GNAL: variants seen among roughly 807,000 people sequenced by gnomAD.
GNAL encodes the protein G protein subunit alpha L, also known as guanine nucleotide-binding protein G(olf) subunit alpha.
A neutral mutation model predicts 55.1 loss-of-function variants in GNAL; 18 were observed. The observed-to-expected ratio is 0.33, with a 90% CI of 0.23 to 0.48. The LOEUF (loss-of-function observed/expected upper bound fraction) is 0.48. Among genes scored for constraint, GNAL ranks in the 20% least tolerant of loss-of-function variants. The pLI is 0.99. For synonymous variants in GNAL, 253 were observed against 237.0 expected (o/e 1.07, Z -0.62); for missense variants, 412 against 614.1 (o/e 0.67, Z 3.48).
intron 10 of GNAL, chr18:11,874,247 C>G (rs2036470923): frequency 6.6e-6 from 1 of 152,278 alleles, no homozygotes; most frequent in South Asian, 2.1e-4. Context: ...TCACCCATCC[C>G]TGAGCATCTG....
chr18:11,695,677 C>T (rs10468679), intron 1 of GNAL, among the ~76,000 whole-genome samples: 14,319 of 152,096 alleles, frequency 0.094, 983 homozygotes, highest in African/African-American at 0.19. Flanking sequence ...GATTGTTATT[C>T]GAATTTTAAA....
chr18:11,731,121 A>G (rs1372915465), intron 1 of GNAL, among the ~76,000 whole-genome samples: 11 of 152,166 alleles, frequency 7.2e-5, no homozygotes. Flanking sequence ...GACTTCCCTT[A>G]CCATCATGGC....
At chr18:11,702,541 T>G (rs1339530030) in intron 1 of GNAL, among the ~76,000 whole-genome samples, 3 of 152,200 alleles carry the variant, frequency 2.0e-5, no homozygotes, top group Admixed American at 6.5e-5. Flanking sequence ...AGGCTACTAT[T>G]TGTTTATTCA....
At chr18:11,739,419 G>A (rs2032528181) in intron 1 of GNAL, among the ~76,000 whole-genome samples, 1 of 152,078 alleles carries the variant, frequency 6.6e-6, no homozygotes, top group Non-Finnish European at 1.5e-5. Context: ...GTGTTTCTAG[G>A]GGCAGGGTAT....
chr18:11,841,745 C>T (rs1047811909), intron 5 of GNAL, among the ~76,000 whole-genome samples: 4 of 151,914 alleles, frequency 2.6e-5, no homozygotes, highest in Admixed American at 6.6e-5. Context: ...TGCTTCCCAA[C>T]TGCGGGGATC....
At chr18:11,746,871 C>A in intron 1 of GNAL, 1 of 535,734 alleles carries the variant, frequency 1.9e-6, no homozygotes. Context: ...CTCTTGAACT[C>A]TGAGGAAGGC....
chr18:11,800,203 G>A (rs2034487474), intron 4 of GNAL, among the ~76,000 whole-genome samples: 1 of 152,150 alleles, frequency 6.6e-6, no homozygotes, highest in Admixed American at 6.5e-5. Context: ...ATTGGTGGAT[G>A]GGTGAGTGGA....
rs2855643 is a variant in GNAL, at chr18:11,865,138, C to G, written c.851+532C>G. Reference sequence around the variant, plus strand: ...GGCACAGCCCTGGCTTGTCTCCTGTCCCCTGGCTTACCCATTTCAGTCGCC... The same window carrying G: ...GGCACAGCCCTGGCTTGTCTCCTGTGCCCTGGCTTACCCATTTCAGTCGCC... On this transcript the variant is annotated intron_variant, in intron 7 of 11. Coordinates refer to ENST00000334049, the MANE Select transcript of GNAL (RefSeq NM_182978.4). 1.4e-5 allele frequency among the ~76,000 whole-genome samples: 2 copies of G among 139,806 alleles called. 1 individual carries two copies. The highest frequency in any genetic ancestry group is 6.7e-5 in the African/African-American group (2 of 29,790). 91.7% of individuals were successfully genotyped at this position (139,806 alleles called of 152,430 possible).
Position 11,851,627 on chromosome 18 carries a change from C to T in GNAL, c.723-10768C>T, listed in dbSNP as rs1264189524. On this transcript the variant is annotated intron_variant, in intron 5 of 11. Transcript: ENST00000334049. ...GCCGAAAAGGCCAAAATTAAAAAGG[C>T]CATTCAGAAGGGCAACATGGAAGTT... 2.5e-6 allele frequency: 4 copies of T among 1,613,786 alleles called. No individual in the cohort carries two copies. The African/African-American group carries it at 4.0e-5, about 16-fold the overall frequency.
At chr18:11,698,215 G>A (rs989838610) in intron 1 of GNAL, among the ~76,000 whole-genome samples, 1 of 152,154 alleles carries the variant, frequency 6.6e-6, no homozygotes, top group African/African-American at 2.4e-5. Flanking sequence ...GGCTGAGGCT[G>A]GGCGCGGTGG....
chr18:11,689,827 G>GGCCGAGGAGCGCGAGGCT lies in GNAL; in HGVS notation c.267_268insGAGGAGCGCGAGGCTGCC (p.Glu84_Ala89dup). 1.3e-6 allele frequency: 2 copies of GGCCGAGGAGCGCGAGGCT among 1,537,004 alleles called. No homozygotes were observed. Among genetic ancestry groups the GGCCGAGGAGCGCGAGGCT allele is most frequent in the Non-Finnish European group, 1.7e-6 (2 of 1,144,788 alleles). On this transcript the variant is annotated inframe_insertion, in exon 1 of 12. Coordinates refer to ENST00000334049, the MANE Select transcript of GNAL (RefSeq NM_182978.4). ...AGCTGAGTGCCGAGGAGCGCGAGGC[G>GGCCGAGGAGCGCGAGGCT]GCCAAGGAGCGCGAGGCGGTCAAGG...
chr18:11,856,298 T>C lies in GNAL; in HGVS notation c.723-6097T>C, dbSNP rs533200077. Among the ~76,000 whole-genome samples the C allele has an allele frequency of 2.8e-4, 42 of 151,496 alleles. 1 individual carries two copies. Among genetic ancestry groups the C allele is most frequent in the Admixed American group, 6.5e-4 (10 of 15,268 alleles). ...TTTCTACATTAGATTGCAAATTCCA[T>C]AGGGAGCCCGGGCCAGGCAATGTCT... On this transcript the variant is annotated intron_variant, in intron 5 of 11. Coordinates refer to ENST00000334049, the MANE Select transcript of GNAL (RefSeq NM_182978.4).
chr18:11,789,674 CCTT>C (rs1189276736), intron 4 of GNAL, among the ~76,000 whole-genome samples: 1 of 152,192 alleles, frequency 6.6e-6, no homozygotes, highest in Non-Finnish European at 1.5e-5. Flanking sequence ...TCTTTTTCCT[CCTT>C]ATATTTTATC....
In GNAL at chr18:11,753,866, C is replaced by T; in HGVS notation, c.545C>T (p.Pro182Leu). The change falls in exon 4 of 12, where the codon CCG becomes CTG. Residue 182 changes from proline to leucine, a missense_variant. By Grantham distance (98) the Pro-to-Leu change is moderately conservative. Transcript: ENST00000334049. ...ATGAGTACTATAATACCTCCAGTTC[C>T]GCTGGCCAACCCTGAAAACCAATTT... ...SAMSTIIPPVPLANPENQFRS... is the reference protein window; with the variant it reads ...SAMSTIIPPVLLANPENQFRS... 6.2e-7 allele frequency: 1 copy of T among 1,608,598 alleles called. No homozygotes were observed. Among genetic ancestry groups the T allele is most frequent in the Non-Finnish European group, 8.5e-7 (1 of 1,175,072 alleles).
chr18:11,858,978 C>G (rs2036069614), intron 5 of GNAL, among the ~76,000 whole-genome samples: 1 of 152,196 alleles, frequency 6.6e-6, no homozygotes, highest in South Asian at 2.1e-4. Context: ...CATCACATCT[C>G]TCTAGCACTC....
intron 5 of GNAL, among the ~76,000 whole-genome samples, chr18:11,840,248 A>G (rs772194215): frequency 1.3e-5 from 2 of 152,228 alleles, no homozygotes; most frequent in Non-Finnish European, 2.9e-5. Context: ...AGTGCTCTGC[A>G]TTATTTCTGT....
At chr18:11,692,827 GAA>G (rs1598396778) in intron 1 of GNAL, among the ~76,000 whole-genome samples, 3 of 136,942 alleles carry the variant, frequency 2.2e-5, no homozygotes, top group African/African-American at 9.3e-5. Context: ...ACAAATAAAA[GAA>G]TAGAGACAAG....
chr18:11,734,835 A>G (rs1007457065), intron 1 of GNAL, among the ~76,000 whole-genome samples: 2 of 150,402 alleles, frequency 1.3e-5, no homozygotes, highest in Non-Finnish European at 3.0e-5. Context: ...CACAGCAACC[A>G]GGCAGGAAGC....
At chr18:11,749,244 G>T (rs1004866053) in intron 1 of GNAL, among the ~76,000 whole-genome samples, 9 of 152,092 alleles carry the variant, frequency 5.9e-5, no homozygotes, top group African/African-American at 2.2e-4. Context: ...TAAGATGTGA[G>T]CTGTGGAAAC....
Sources: gnomAD v4.1 joint callset for allele counts (sites outside exome capture counted in the v4.1 genomes callset) on GRCh38, gnomAD v4.1.1 for gene constraint, MANE v1.5 for transcripts, NCBI Gene and HGNC (gene_info 2026-07-23, HGNC 2026-07-21) for gene names.